ARHGAP21: variants seen among roughly 807,000 people sequenced by gnomAD.
ARHGAP21 encodes Rho GTPase activating protein 21, also known as rho GTPase-activating protein 21.
Under a neutral mutation model 164.6 loss-of-function variants are expected in ARHGAP21, and 38 were observed. The ratio of observed to expected loss-of-function variants is 0.23; its 90% CI spans 0.18 to 0.30. The LOEUF (loss-of-function observed/expected upper bound fraction) is 0.30, where lower values mean the gene tolerates loss of function less well. Ranked by LOEUF, ARHGAP21 falls within the 10% of genes least tolerant of loss-of-function variation. The pLI, the probability that ARHGAP21 is intolerant of heterozygous loss-of-function variation, is 1.00. For missense variants in ARHGAP21, 1,822 were observed against 2,370.7 expected (o/e 0.77, Z 4.81); for synonymous variants, 766 against 857.9 (o/e 0.89, Z 1.87).
At chr10:24,664,570 T>TA (rs1565125319) in intron 4 of ARHGAP21, among the ~76,000 whole-genome samples, 10 of 148,308 alleles carry the variant, frequency 6.7e-5, no homozygotes, top group East Asian at 3.9e-4. Context: ...AAAAAAATAA[T>TA]AATAATAATA....
intron 2 of ARHGAP21, among the ~76,000 whole-genome samples, chr10:24,700,980 G>T (rs1176807361): frequency 6.6e-6 from 1 of 152,110 alleles, no homozygotes; most frequent in African/African-American, 2.4e-5. Flanking sequence ...AAAGTAGCAA[G>T]AATTTAAGGT....
At chr10:24,699,428 G>C (rs1226113280) in intron 2 of ARHGAP21, among the ~76,000 whole-genome samples, 2 of 151,828 alleles carry the variant, frequency 1.3e-5, no homozygotes, top group African/African-American at 4.8e-5. Flanking sequence ...AGGTTCAAGC[G>C]ATTCTCCTGC....
intron 17 of ARHGAP21, chr10:24,596,509 T>C: frequency 1.7e-6 from 1 of 588,562 alleles, no homozygotes; most frequent in Non-Finnish European, 2.8e-6. Context: ...GACGAATTCT[T>C]ACAGACCATT....
intron 2 of ARHGAP21, among the ~76,000 whole-genome samples, chr10:24,696,262 C>A (rs1159267541): frequency 6.6e-6 from 1 of 152,180 alleles, no homozygotes; most frequent in Non-Finnish European, 1.5e-5. Context: ...GGCTCAAGTT[C>A]ACAGCACAGA....
chr10:24,596,574 G>GA (rs2076590222), intron 17 of ARHGAP21, 166 bp downstream of exon 17: 2 of 868,874 alleles, frequency 2.3e-6, no homozygotes, highest in Non-Finnish European at 3.4e-6. Flanking sequence ...CAATACATTA[G>GA]AAAAAAAGCA....
At chr10:24,663,756 T>C (rs555166639) in intron 4 of ARHGAP21, among the ~76,000 whole-genome samples, 1 of 152,180 alleles carries the variant, frequency 6.6e-6, no homozygotes, top group African/African-American at 2.4e-5. Context: ...CTCAAACTCC[T>C]GACCTCAAGT....
intron 2 of ARHGAP21, among the ~76,000 whole-genome samples, chr10:24,716,354 G>C (rs1350499366): frequency 6.6e-6 from 1 of 152,190 alleles, no homozygotes; most frequent in African/African-American, 2.4e-5. Context: ...GGGAGTGGTT[G>C]GCAAAGCTTC....
chr10:24,656,301 C>T lies in ARHGAP21; in HGVS notation c.268+10684G>A, dbSNP rs1458713546. On this transcript the variant is annotated intron_variant, in intron 4 of 25. Transcript: ENST00000396432. ...GCCGCCCCTACTGGGAAGTGAGGAGCCCCTCAGCCTGGCCAGCCACCCCGT... is the reference window on the plus strand; with the variant it reads ...GCCGCCCCTACTGGGAAGTGAGGAGTCCCTCAGCCTGGCCAGCCACCCCGT... 4.4e-3 allele frequency among the ~76,000 whole-genome samples: 418 copies of T among 94,616 alleles called. 10 individuals carry two copies. The highest frequency in any genetic ancestry group is 0.018 in the African/African-American group (366 of 20,860). The allele number at this position is 94,616 out of a possible 152,430, so 62.1% of individuals were successfully genotyped here. A position where few individuals can be genotyped will look rare whatever the true frequency, so the allele number is the denominator to read the frequency against.
chr10:24,587,161 A>T (rs532848942), intron 25 of ARHGAP21, among the ~76,000 whole-genome samples: 35 of 152,116 alleles, frequency 2.3e-4, no homozygotes, highest in South Asian at 1.2e-3. Flanking sequence ...TTTAAAAAAA[A>T]TTTTTTAAGA....
At chr10:24,596,988 T>A in intron 16 of ARHGAP21, 106 bp from the exon 17 acceptor site, 1 of 1,189,790 alleles carries the variant, frequency 8.4e-7, no homozygotes, top group Non-Finnish European at 1.1e-6. Context: ...CCAAGTCCTG[T>A]AATATAAATA....
chr10:24,629,874 A>G, intron 7 of ARHGAP21, 122 bp downstream of exon 7: 1 of 758,272 alleles, frequency 1.3e-6, no homozygotes, highest in Non-Finnish European at 2.3e-6. Context: ...TGTAAAAGGA[A>G]CCAGAGGGTT....
Position 24,596,840 on chromosome 10 carries a change from C to T in ARHGAP21, c.3377G>A (p.Gly1126Asp). 6.2e-7 allele frequency: 1 copy of T among 1,610,686 alleles called. No individual in the cohort carries two copies. The highest frequency in any genetic ancestry group is 1.1e-5 in the South Asian group (1 of 90,698). ...PPKDKGTWRKGIPSIMRKTFE... is the reference protein window; with the variant it reads ...PPKDKGTWRKDIPSIMRKTFE... ...TGTCTTTCTCATGATACTTGGAATG[C>T]CTTTTCTCCATGTGCCTTTGTCTTT... The change falls in exon 17 of 26, where the codon GGC becomes GAC. Residue 1126 changes from glycine (G) to aspartate (D), a missense_variant. Physicochemically the swap from Gly to Asp is moderately conservative, Grantham distance 94. Transcript: ENST00000396432.
intron 17 of ARHGAP21, 170 bp from the exon 18 acceptor site, chr10:24,596,213 T>G (rs2076571954): frequency 5.3e-6 from 3 of 568,678 alleles, no homozygotes; most frequent in Non-Finnish European, 8.7e-6. Context: ...CAAGAGATAT[T>G]TGAGACAGTA....
chr10:24,656,024 C>T (rs1170006023), intron 4 of ARHGAP21, among the ~76,000 whole-genome samples: 1 of 145,934 alleles, frequency 6.9e-6, no homozygotes, highest in Non-Finnish European at 1.5e-5. Context: ...CCGGCAGCTG[C>T]CCCGTCTGAG....
chr10:24,595,126 T>C lies in ARHGAP21; in HGVS notation c.3777A>G (p.Leu1259=), dbSNP rs1309818009. The C allele has an allele frequency of 6.2e-7, 1 of 1,609,814 alleles. No individual in the cohort carries two copies. Among genetic ancestry groups the C allele is most frequent in the Non-Finnish European group, 8.5e-7 (1 of 1,178,714 alleles). ...KEDPLDRLKT[L]KRLIHDLPEH... ...ATAAAATAATACCTACTAGTCTTTT[T>C]AATGTTTTCAGACGATCTAGAGGAT... Residue 1259 remains leucine, a synonymous_variant, in exon 20 of 26, where the codon TTA becomes TTG. Transcript: ENST00000396432.
chr10:24,635,685 T>C (rs1836312396), intron 4 of ARHGAP21, among the ~76,000 whole-genome samples: 1 of 152,182 alleles, frequency 6.6e-6, no homozygotes, highest in African/African-American at 2.4e-5. Flanking sequence ...TAGCTGGGAC[T>C]ACAGGTGTAC....
intron 4 of ARHGAP21, among the ~76,000 whole-genome samples, chr10:24,653,587 T>TA (rs895265446): frequency 3.3e-5 from 5 of 149,892 alleles, no homozygotes; most frequent in Non-Finnish European, 5.9e-5. Context: ...AAAAAAAAAT[T>TA]AAAAAAAAAG....
At chr10:24,655,591 T>C (rs1838737371) in intron 4 of ARHGAP21, among the ~76,000 whole-genome samples, 1 of 151,546 alleles carries the variant, frequency 6.6e-6, no homozygotes, top group Non-Finnish European at 1.5e-5. Flanking sequence ...CCGCCTGCCT[T>C]GGCCTCCCAA....
At chr10:24,608,607 A>G (rs1307867161) in intron 9 of ARHGAP21, among the ~76,000 whole-genome samples, 2 of 152,216 alleles carry the variant, frequency 1.3e-5, no homozygotes, top group Non-Finnish European at 2.9e-5. Context: ...CCTGGATTTA[A>G]AAGGTCCAGC....
Sources: allele counts gnomAD v4.1 joint callset (sites outside exome capture counted in the v4.1 genomes callset), GRCh38; gene constraint gnomAD v4.1.1; transcripts MANE v1.5; gene names NCBI Gene and HGNC (gene_info 2026-07-23, HGNC 2026-07-21).